The following SPAST variants were observed in gnomAD, a reference collection of about 807,000 sequenced individuals.
The protein encoded by SPAST is spastic paraplegia 4 (autosomal dominant; spastin).
SPAST carries 30 observed loss-of-function variants against 76.6 expected under a neutral mutation model. That is an observed-to-expected ratio of 0.39 (90% CI 0.29 to 0.53). SPAST has a LOEUF of 0.53. Among genes scored for constraint, SPAST ranks in the 20% least tolerant of loss-of-function variants. The pLI, the probability that SPAST is intolerant of heterozygous loss-of-function variation, is 0.68. For missense variants in SPAST, 717 were observed against 770.5 expected, an observed-to-expected ratio of 0.93 and a Z score of 0.82; for synonymous variants, 305 against 281.0, an observed-to-expected ratio of 1.09 and a Z score of -0.86.
intron 1 of SPAST, among the ~76,000 whole-genome samples, chr2:32,074,078 G>A (rs909502740): frequency 5.3e-5 from 8 of 152,178 alleles, no homozygotes; most frequent in Non-Finnish European, 1.2e-4. Context: ...TCATAGTAAA[G>A]GGTGTTAGGA....
Position 32,114,739 on chromosome 2 carries a change from G to C in SPAST, c.784G>C (p.Gly262Arg). ...VMKTGSAGLS[G>R]HHRAPSYSGL... ...GAAAACTGGATCTGCAGGCCTTTCA[G>C]GCCACCATAGAGCACCTAGTTACAG... Residue 262 changes from glycine to arginine, a missense_variant, in exon 5 of 17, where the codon GGC (glycine) becomes CGC (arginine). Around this residue, in one of 3 missense-constraint regions of SPAST, gnomAD observed 543 missense variants for 445.2 expected, o/e 1.22. Transcript: ENST00000315285. 1 of 1,614,048 alleles carries C rather than the reference G, an allele frequency of 6.2e-7. No individual in the cohort carries two copies. Among genetic ancestry groups the C allele is most frequent in the South Asian group, 1.1e-5 (1 of 91,088 alleles).
intron 1 of SPAST, among the ~76,000 whole-genome samples, chr2:32,085,193 TTTC>T (rs1164839470): frequency 4.1e-4 from 61 of 147,436 alleles, no homozygotes; most frequent in African/African-American, 5.5e-4. Flanking sequence ...ATAATTTCTT[TTTC>T]TTCTTCTTCT....
chr2:32,109,435 T>C (rs1428068575), intron 4 of SPAST, among the ~76,000 whole-genome samples: 2 of 152,078 alleles, frequency 1.3e-5, no homozygotes, highest in Non-Finnish European at 2.9e-5. Flanking sequence ...GTAAGGCTTA[T>C]AAAGAAAAGA....
At position 32,141,955 on chromosome 2, in the gene SPAST, C is replaced by T; in HGVS notation, c.1536+9C>T. 6.2e-7 allele frequency: 1 copy of T among 1,609,274 alleles called. No homozygotes were observed. On this transcript the variant is annotated intron_variant, in intron 13 of 16. Coordinates refer to ENST00000315285, the MANE Select transcript of SPAST (RefSeq NM_014946.4). The stretch of plus-strand genomic sequence containing the variant: ...CTTTACCAAATGAGGAGGTATGTAT[C>T]TGTGTTTGAATTTTTTTTGTTTTAG...
chr2:32,075,628 C>T (rs1676929050), intron 1 of SPAST, among the ~76,000 whole-genome samples: 3 of 144,202 alleles, frequency 2.1e-5, no homozygotes, highest in Admixed American at 7.1e-5. Context: ...CAGCTCACTG[C>T]AGGCTCTGCC....
chr2:32,106,442 A>G (rs11676456), intron 4 of SPAST, among the ~76,000 whole-genome samples: 31,176 of 152,032 alleles, frequency 0.21, 3,978 homozygotes, highest in East Asian at 0.46. Context: ...TTCAGCTCAC[A>G]CTATGTGGGC....
chr2:32,083,748 TACTATATATATATATATATATATATATA>T (rs1558620099), intron 1 of SPAST, among the ~76,000 whole-genome samples: 1 of 57,824 alleles, frequency 1.7e-5, no homozygotes, highest in African/African-American at 6.6e-5. Flanking sequence ...TATTTATATA[TACTATATATATATATATATATATATATA>T]TTTTTTTTTT....
rs143972421 is a variant in SPAST, at chr2:32,072,734, G to C, written c.415+8488G>C. Among the ~76,000 whole-genome samples the C allele has an allele frequency of 9.2e-3, 1,407 of 152,200 alleles. 21 individuals carry two copies. Among genetic ancestry groups the C allele is most frequent in the African/African-American group, 0.032 (1,346 of 41,532 alleles). On this transcript the variant is annotated intron_variant, in intron 1 of 16. Coordinates refer to ENST00000315285, the MANE Select transcript of SPAST (RefSeq NM_014946.4). ...ACGTATAAAATAGCTGTCCATATCT[G>C]TTTTCAGAAGATGAGGATGGAGGGT...
At chr2:32,114,975 T>TC in intron 5 of SPAST, 150 bp downstream of exon 5, 1 of 659,382 alleles carries the variant, frequency 1.5e-6, no homozygotes, top group Non-Finnish European at 2.6e-6. Context: ...TTTTTTTTTT[T>TC]GAGACTCTTG....
At chr2:32,074,833 T>A (rs932002974) in intron 1 of SPAST, among the ~76,000 whole-genome samples, 1 of 152,144 alleles carries the variant, frequency 6.6e-6, no homozygotes, top group Non-Finnish European at 1.5e-5. Flanking sequence ...GGGTCAACTT[T>A]TACCCTTTTC....
chr2:32,080,428 A>AGATAATATAGTTACACTATTGGCT (rs1558617740), intron 1 of SPAST, among the ~76,000 whole-genome samples: 1 of 151,258 alleles, frequency 6.6e-6, no homozygotes, highest in African/African-American at 2.4e-5. Context: ...GGCATGCATT[A>AGATAATATAGTTACACTATTGGCT]GATAATGTAG....
At chr2:32,128,031 A>G (rs925560840) in intron 8 of SPAST, 6 of 231,830 alleles carry the variant, frequency 2.6e-5, no homozygotes, top group South Asian at 1.1e-4. Flanking sequence ...GTCTTACTCT[A>G]TCACCCAAGC....
chr2:32,082,905 A>G (rs1190495861), intron 1 of SPAST, among the ~76,000 whole-genome samples: 1 of 151,838 alleles, frequency 6.6e-6, no homozygotes, highest in Non-Finnish European at 1.5e-5. Flanking sequence ...ACAATTTGTT[A>G]CTCCATTCAC....
intron 9 of SPAST, among the ~76,000 whole-genome samples, chr2:32,132,084 T>A (rs772780134): frequency 7.2e-5 from 11 of 152,194 alleles, no homozygotes; most frequent in Non-Finnish European, 1.5e-4. Context: ...TATCTTGAAG[T>A]AAGTTTACTT....
intron 1 of SPAST, among the ~76,000 whole-genome samples, chr2:32,083,824 A>G (rs1677363047): frequency 7.7e-6 from 1 of 129,796 alleles, no homozygotes; most frequent in African/African-American, 3.0e-5. Flanking sequence ...ACCAGGCTGG[A>G]TGCAGTGGCA....
chr2:32,131,366 G>T (rs897503170), intron 9 of SPAST, among the ~76,000 whole-genome samples: 2 of 152,114 alleles, frequency 1.3e-5, no homozygotes, highest in Non-Finnish European at 2.9e-5. Context: ...TCATTGATAG[G>T]ATTATTTTAA....
At chr2:32,150,088 AGAT>A (rs1036048394) in intron 16 of SPAST, among the ~76,000 whole-genome samples, 8 of 132,736 alleles carry the variant, frequency 6.0e-5, no homozygotes, top group Non-Finnish European at 1.2e-4. Flanking sequence ...TTTTTTTGTG[AGAT>A]GGAGTCTTGC....
intron 9 of SPAST, among the ~76,000 whole-genome samples, chr2:32,135,095 G>C (rs1679492654): frequency 1.3e-5 from 2 of 151,362 alleles, no homozygotes; most frequent in Non-Finnish European, 2.9e-5. Flanking sequence ...GATCTTTTGA[G>C]ATTTCTTTCA....
chr2:32,152,003 G>A (rs951600368), intron 16 of SPAST, among the ~76,000 whole-genome samples: 1 of 151,814 alleles, frequency 6.6e-6, no homozygotes, highest in Admixed American at 6.6e-5. Flanking sequence ...GTATTTTTAA[G>A]GTTAGTACTA....
Sources: gnomAD v4.1 joint callset for allele counts (sites outside exome capture counted in the v4.1 genomes callset) on GRCh38, gnomAD v4.1.1 for gene constraint, gnomAD v4.1.1 regional missense constraint, MANE v1.5 for transcripts, NCBI Gene and HGNC (gene_info 2026-07-23, HGNC 2026-07-21) for gene names.